The following BANF1 variants were observed in gnomAD, a reference collection of about 807,000 sequenced individuals.
The protein encoded by BANF1 is barrier-to-autointegration factor.
For synonymous variants in BANF1, 49 were observed against 43.7 expected (o/e 1.12, Z -0.48); for missense variants, 47 against 110.4 (o/e 0.43, Z 2.57).
rs1856060796 is a variant in BANF1, at chr11:66,003,517, G to A, written c.124-109G>A. ...TGGAGAGGAGAGGGGGGCAAAACCC[G>A]CGCTGCTTCCTGGGCTTGTGTGCTC... On this transcript the variant is annotated intron_variant, in intron 2 of 2. Coordinates refer to ENST00000312175, the MANE Select transcript of BANF1 (RefSeq NM_003860.4). The A allele has an allele frequency of 3.7e-6, 6 of 1,610,260 alleles. No individual in the cohort carries two copies. In the South Asian group the frequency reaches 4.4e-5, roughly 12 times the overall value.
At chr11:66,003,560 G>C (rs191905461) in intron 2 of BANF1, 66 bp from the exon 3 acceptor site, 1 of 1,607,936 alleles carries the variant, frequency 6.2e-7, no homozygotes, top group South Asian at 1.1e-5. Flanking sequence ...CACAGGAATG[G>C]CTGTCTTGCT....
Position 66,003,924 on chromosome 11 carries a change from C to T in BANF1, c.*152C>T, listed in dbSNP as rs1442694445. 3.5e-6 allele frequency: 4 copies of T among 1,127,200 alleles called. No homozygotes were observed. The highest frequency in any genetic ancestry group is 1.6e-5 in the African/African-American group (1 of 63,546). The allele number at this position is 1,127,200 out of a possible 1,614,324, so 69.8% of individuals were successfully genotyped here. On this transcript the variant is annotated 3_prime_UTR_variant, in exon 3 of 3. Coordinates refer to ENST00000312175, the MANE Select transcript of BANF1 (RefSeq NM_003860.4). ...TCTTTTGGGAGTTTTCTCCCCTAAC[C>T]ATTTCAACTTTTTTTTGGATTCTCG...
chr11:66,003,237 T>A lies in BANF1; in HGVS notation c.-14T>A. ...TGCCTTTTTTTTGGGATTCCTAGATTAAGCCTGATCAAGATGACAACCTCC... is the reference window on the plus strand; with the variant it reads ...TGCCTTTTTTTTGGGATTCCTAGATAAAGCCTGATCAAGATGACAACCTCC... On this transcript the variant is annotated splice_region_variant and 5_prime_UTR_variant, in exon 2 of 3. Coordinates refer to ENST00000312175, the MANE Select transcript of BANF1 (RefSeq NM_003860.4). The A allele has an allele frequency of 1.2e-6, 2 of 1,612,608 alleles. No individual in the cohort carries two copies. The highest frequency in any genetic ancestry group is 1.7e-6 in the Non-Finnish European group (2 of 1,179,756).
chr11:66,003,803 C>G lies in BANF1; in HGVS notation c.*31C>G. ...TCTGGGAAGCTCTCAATCCCCAGCC[C>G]TCATCCAGAGTTTGCAGCCGAGTAG... On this transcript the variant is annotated 3_prime_UTR_variant, in exon 3 of 3. Coordinates refer to ENST00000312175, the MANE Select transcript of BANF1 (RefSeq NM_003860.4). 2 of 1,613,630 alleles carry G rather than the reference C, an allele frequency of 1.2e-6. No individual in the cohort carries two copies. Among genetic ancestry groups the G allele is most frequent in the South Asian group, 1.1e-5 (1 of 90,988 alleles).
intron 2 of BANF1, 105 bp downstream of exon 2, chr11:66,003,478 G>GC: frequency 6.2e-7 from 1 of 1,608,828 alleles, no homozygotes; most frequent in Non-Finnish European, 8.5e-7. Flanking sequence ...GGCTGCCAGA[G>GC]CCTGGGCACC....
At position 66,002,522 on chromosome 11, in the gene BANF1, A is replaced by T. The variant is rs1856015655; in HGVS notation, c.-65A>T. 6.5e-6 allele frequency: 1 copy of T among 152,680 alleles called. No homozygotes were observed. Among genetic ancestry groups the T allele is most frequent in the South Asian group, 2.1e-4 (1 of 4,838 alleles). The allele number at this position is 152,680 out of a possible 1,614,324, so 9.5% of individuals were successfully genotyped here. ...AGTTCTAGTGGCTTGAGGTATCCGC[A>T]GGAGCGGCCGGGTGGCGGGAGGAAC... On this transcript the variant is annotated 5_prime_UTR_variant, in exon 1 of 3. Transcript: ENST00000312175.
intron 2 of BANF1, 97 bp from the exon 3 acceptor site, chr11:66,003,529 G>C: frequency 6.2e-7 from 1 of 1,611,690 alleles, no homozygotes; most frequent in South Asian, 1.1e-5. Context: ...GCTGCTTCCT[G>C]GGCTTGTGTG....
Position 66,003,617 on chromosome 11 carries a change from G to C in BANF1, c.124-9G>C. ...AGCAGCACGCTCCTTCCTTTTCCCT[G>C]TTTTGCAGGCCTATGTTGTCCTTGG... On this transcript the variant is annotated splice_polypyrimidine_tract_variant and intron_variant, in intron 2 of 2. Transcript: ENST00000312175. 1 of 1,614,080 alleles carries C rather than the reference G, an allele frequency of 6.2e-7. No homozygotes were observed. Among genetic ancestry groups the C allele is most frequent in the Non-Finnish European group, 8.5e-7 (1 of 1,180,016 alleles).
In BANF1 at chr11:66,003,273, G is replaced by A. The variant is rs1434938383; in HGVS notation, c.23G>A (p.Arg8Gln). 1 of 1,613,620 alleles carries A rather than the reference G, an allele frequency of 6.2e-7. No individual in the cohort carries two copies. Among genetic ancestry groups the A allele is most frequent in the African/African-American group, 1.3e-5 (1 of 74,966 alleles). The change falls in exon 2 of 3, where the codon CGA becomes CAA. Residue 8 changes from arginine to glutamine, a missense_variant. Physicochemically the swap from Arg to Gln is conservative, Grantham distance 43 (BLOSUM62 1). Coordinates refer to ENST00000312175, the MANE Select transcript of BANF1 (RefSeq NM_003860.4). MTTSQKH[R>Q]DFVAEPMGEK... is the part of the protein sequence containing the mutation. ...AAGATGACAACCTCCCAAAAGCACC[G>A]AGACTTCGTGGCAGAGCCCATGGGG...
Position 66,003,836 on chromosome 11 carries a change from T to G in BANF1, c.*64T>G. On this transcript the variant is annotated 3_prime_UTR_variant, in exon 3 of 3. Transcript: ENST00000312175. ...GAGTTTGCAGCCGAGTAGGGACTCC[T>G]CCCCTGTCCTCTACGAAGGAAAAGA... The G allele has an allele frequency of 6.2e-6, 10 of 1,605,732 alleles. No homozygotes were observed. The highest frequency in any genetic ancestry group is 6.8e-6 in the Non-Finnish European group (8 of 1,174,718).
intron 2 of BANF1, 109 bp downstream of exon 2, chr11:66,003,482 G>C: frequency 6.2e-7 from 1 of 1,606,886 alleles, no homozygotes. Flanking sequence ...GCCAGAGCCT[G>C]GGCACCTGGT....
At position 66,003,984 on chromosome 11, in the gene BANF1, C is replaced by A. The variant is rs940318848; in HGVS notation, c.*212C>A. 2 of 598,154 alleles carry A rather than the reference C, an allele frequency of 3.3e-6. No individual in the cohort carries two copies. Among genetic ancestry groups the A allele is most frequent in the Non-Finnish European group, 5.8e-6 (2 of 344,710 alleles). 37.1% of individuals were successfully genotyped at this position (598,154 alleles called of 1,614,324 possible). On this transcript the variant is annotated 3_prime_UTR_variant, in exon 3 of 3. Transcript: ENST00000312175. ...GCCTCCCCCGTCCTTTTTCCCTTGC[C>A]AGTTCCCTGGTGACAGTTACCAGCT...
intron 1 of BANF1, chr11:66,002,841 T>C: frequency 3.3e-6 from 1 of 303,684 alleles, no homozygotes; most frequent in South Asian, 2.9e-5. Context: ...GCCCTGTAGG[T>C]AGAGAGACCC....
chr11:66,003,569 C>T, intron 2 of BANF1, 57 bp from the exon 3 acceptor site: 1 of 1,588,386 alleles, frequency 6.3e-7, no homozygotes, highest in South Asian at 1.1e-5. Flanking sequence ...GGCTGTCTTG[C>T]TCTTATCTCT....
Position 66,003,120 on chromosome 11 carries a change from A to G in BANF1, c.-16-115A>G. ...GTTTTCTCCTTTCAGGATGAGGGGG[A>G]TCGAGCAAGCCACTGTAACCCCTGG... On this transcript the variant is annotated intron_variant, in intron 1 of 2. Coordinates refer to ENST00000312175, the MANE Select transcript of BANF1 (RefSeq NM_003860.4). 4 of 1,097,036 alleles carry G rather than the reference A, an allele frequency of 3.6e-6. No homozygotes were observed. In the South Asian group the frequency reaches 5.3e-5, roughly 15 times the overall value. The allele number at this position is 1,097,036 out of a possible 1,614,324, so 68.0% of individuals were successfully genotyped here. A position where few individuals can be genotyped will look rare whatever the true frequency, so the allele number is the denominator to read the frequency against.
chr11:66,002,914 A>G (rs1856036503), intron 1 of BANF1: 2 of 367,322 alleles, frequency 5.4e-6, no homozygotes. Context: ...GGTTCAGCCA[A>G]GGTCACAGAG....
intron 2 of BANF1, 27 bp downstream of exon 2, chr11:66,003,400 G>A (rs1333871764): frequency 2.5e-6 from 4 of 1,613,610 alleles, no homozygotes; most frequent in Admixed American, 3.3e-5. Context: ...TGTACCTAGT[G>A]CAAGCGGGGG....
chr11:66,003,086 C>T (rs1369791567), intron 1 of BANF1, 149 bp from the exon 2 acceptor site: 11 of 808,342 alleles, frequency 1.4e-5, no homozygotes, highest in Non-Finnish European at 1.9e-5. Context: ...GAAGAGTCTC[C>T]CTGGAACTGT....
intron 1 of BANF1, chr11:66,002,939 C>T (rs1856037607): frequency 7.4e-6 from 3 of 407,780 alleles, no homozygotes; most frequent in South Asian, 2.1e-5. Flanking sequence ...TGATAGCTTC[C>T]GCGCAGCCCT....
Sources: gnomAD v4.1 joint callset for allele counts on GRCh38, gnomAD v4.1.1 for gene constraint, MANE v1.5 for transcripts, NCBI Gene and HGNC (gene_info 2026-07-23, HGNC 2026-07-21) for gene names.